Variants in DYNC2H1 observed in about 807,000 individuals in gnomAD.
The protein encoded by DYNC2H1 is cytoplasmic dynein 2 heavy chain 1.
Under a neutral mutation model 570.0 loss-of-function variants are expected in DYNC2H1, and 410 were observed. The observed-to-expected ratio is 0.72, with a 90% CI of 0.66 to 0.78. The LOEUF (loss-of-function observed/expected upper bound fraction) is 0.78, where lower values mean the gene tolerates loss of function less well. Ranked by LOEUF, DYNC2H1 falls within the 30% of genes least tolerant of loss-of-function variation. The probability of loss-of-function intolerance (pLI) is 0.00; values close to 1 mark genes in which losing one functional copy is unlikely to be tolerated. For synonymous variants in DYNC2H1, 1,688 were observed against 1,677.6 expected, an observed-to-expected ratio of 1.01 and a Z score of -0.15; for missense variants, 4,865 against 5,046.4, an observed-to-expected ratio of 0.96 and a Z score of 1.09.
At chr11:103,390,302 A>G (rs1942081508) in intron 83 of DYNC2H1, among the ~76,000 whole-genome samples, 1 of 150,594 alleles carries the variant, frequency 6.6e-6, no homozygotes, top group Non-Finnish European at 1.5e-5. Context: ...CTGTTTTATC[A>G]GAGACTAGGA....
Position 103,256,161 on chromosome 11 carries a change from T to C in DYNC2H1, c.10382T>C (p.Leu3461Ser). Residue 3461 changes from leucine to serine, a missense_variant, in exon 68 of 89, where the codon TTG becomes TCG. Leu to Ser is a moderately radical substitution (Grantham distance 145). Coordinates refer to ENST00000375735, the MANE Select transcript of DYNC2H1 (RefSeq NM_001377.3). The surrounding 1 kb of genome is among the most constrained non-coding windows in gnomAD (Gnocchi z 4.0). ...GAAAATAAGGATTTGATTGAGTCTT[T>C]GAATCAGACAAAAGCAAGCAGTGCA... Reference protein sequence around the residue: ...ILENKDLIESLNQTKASSALI... With the variant: ...ILENKDLIESSNQTKASSALI... 1 of 1,609,060 alleles carries C rather than the reference T, an allele frequency of 6.2e-7. No individual in the cohort carries two copies. Among genetic ancestry groups the C allele is most frequent in the Non-Finnish European group, 8.5e-7 (1 of 1,177,216 alleles).
At chr11:103,442,525 T>G (rs1317927439) in intron 85 of DYNC2H1, among the ~76,000 whole-genome samples, 1 of 152,098 alleles carries the variant, frequency 6.6e-6, no homozygotes, top group Non-Finnish European at 1.5e-5. Flanking sequence ...TGATAAATCC[T>G]TCGTATGGCC....
At chr11:103,237,538 T>C (rs1864266303) in intron 63 of DYNC2H1, among the ~76,000 whole-genome samples, 2 of 151,044 alleles carry the variant, frequency 1.3e-5, no homozygotes, top group South Asian at 4.2e-4. Context: ...TTTTGCCTGT[T>C]TTTAAATTTA....
intron 12 of DYNC2H1, among the ~76,000 whole-genome samples, chr11:103,126,821 G>A (rs1345048512): frequency 6.6e-6 from 1 of 152,046 alleles, no homozygotes; most frequent in African/African-American, 2.4e-5. Flanking sequence ...TGTACTTTTA[G>A]TAGAGATAGA....
In DYNC2H1 at chr11:103,321,090, A is replaced by T. The variant is rs752954962; in HGVS notation, c.11787A>T (p.Gly3929=). The T allele has an allele frequency of 6.2e-7, 1 of 1,612,880 alleles. No homozygotes were observed. Among genetic ancestry groups the T allele is most frequent in the Non-Finnish European group, 8.5e-7 (1 of 1,179,394 alleles). The change falls in exon 81 of 89, where the codon GGA becomes GGT. Residue 3929 remains glycine (G), a synonymous_variant. Transcript: ENST00000375735. ...HGLLENAIYG[G]RIDNYFDLRV... ...TACTTGAAAATGCTATTTATGGAGGACGTATAGACAACTATTTTGACCTTA... is the reference window on the plus strand; with the variant it reads ...TACTTGAAAATGCTATTTATGGAGGTCGTATAGACAACTATTTTGACCTTA...
In DYNC2H1 at chr11:103,153,444, G is replaced by T. The variant is rs1860665458; in HGVS notation, c.3238G>T (p.Ala1080Ser). The stretch of plus-strand genomic sequence containing the variant: ...CCAACATAATACTCTTGATAAAAGT[G>T]CAAAGTTAATAAAAGAGAAAAAAAT... ...TGQHNTLDKSAKLIKEKKIEF... is the reference protein window; with the variant it reads ...TGQHNTLDKSSKLIKEKKIEF... The change falls in exon 22 of 89, where the codon GCA (alanine) becomes TCA (serine). Residue 1080 changes from alanine to serine, a missense_variant. By Grantham distance (99) the Ala-to-Ser change is moderately conservative. This residue lies in a region of DYNC2H1 where 1,936 missense variants were observed against 1,962.1 expected (regional missense o/e 0.99). Coordinates refer to ENST00000375735, the MANE Select transcript of DYNC2H1 (RefSeq NM_001377.3). 1 of 1,569,742 alleles carries T rather than the reference G, an allele frequency of 6.4e-7. No individual in the cohort carries two copies. The highest frequency in any genetic ancestry group is 2.3e-5 in the East Asian group (1 of 43,386).
intron 82 of DYNC2H1, among the ~76,000 whole-genome samples, chr11:103,349,327 G>A (rs1344789718): frequency 6.6e-6 from 1 of 151,998 alleles, no homozygotes; most frequent in Non-Finnish European, 1.5e-5. Context: ...GGAAAGATGA[G>A]GTCTTACATG....
At chr11:103,207,062 C>T (rs1308126753) in intron 52 of DYNC2H1, among the ~76,000 whole-genome samples, 2 of 151,918 alleles carry the variant, frequency 1.3e-5, no homozygotes, top group African/African-American at 4.8e-5. Context: ...GCTGAGATTA[C>T]AGGTGCCTGC....
chr11:103,156,025 A>T (rs1483670273), intron 25 of DYNC2H1, among the ~76,000 whole-genome samples: 2 of 152,122 alleles, frequency 1.3e-5, no homozygotes, highest in African/African-American at 4.8e-5. Flanking sequence ...ATAATTTCTG[A>T]ATTTCTTTTG....
Position 103,151,332 on chromosome 11 carries a change from G to A in DYNC2H1, c.2947-804G>A, listed in dbSNP as rs960448261. On this transcript the variant is annotated intron_variant, in intron 20 of 88. Coordinates refer to ENST00000375735, the MANE Select transcript of DYNC2H1 (RefSeq NM_001377.3). This position sits in a 1 kb window ranked among gnomAD's most constrained non-coding sequence, Gnocchi z 4.6. Reference sequence around the variant, plus strand: ...TGCTTAGGTTAATCTTAATCCCCTCGCCTCGGCCTCCCAAAGTGCTAGGAT... The same window carrying A: ...TGCTTAGGTTAATCTTAATCCCCTCACCTCGGCCTCCCAAAGTGCTAGGAT... 1.3e-5 allele frequency among the ~76,000 whole-genome samples: 2 copies of A among 151,918 alleles called. No individual in the cohort carries two copies. The highest frequency in any genetic ancestry group is 2.9e-5 in the Non-Finnish European group (2 of 67,992).
chr11:103,447,221 T>TA (rs1417733050), intron 85 of DYNC2H1, among the ~76,000 whole-genome samples: 1 of 152,158 alleles, frequency 6.6e-6, no homozygotes, highest in Admixed American at 6.5e-5. Context: ...AAGTTTAATT[T>TA]AAAAAATACC....
At chr11:103,184,804 G>A (rs895622357) in intron 40 of DYNC2H1, 92 bp from the exon 41 acceptor site, 1 of 1,338,818 alleles carries the variant, frequency 7.5e-7, no homozygotes, top group Admixed American at 2.3e-5. Flanking sequence ...AATGGTTCTT[G>A]AAAAGGTATG....
chr11:103,411,038 G>A (rs142478681), intron 84 of DYNC2H1, among the ~76,000 whole-genome samples: 154 of 151,402 alleles, frequency 1.0e-3, no homozygotes, highest in African/African-American at 3.5e-3. Context: ...GTAAAGACCA[G>A]GACCAAACCT....
At chr11:103,123,110 G>T in intron 11 of DYNC2H1, 110 bp downstream of exon 11, 1 of 920,000 alleles carries the variant, frequency 1.1e-6, no homozygotes, top group Non-Finnish European at 1.4e-6. Flanking sequence ...TACTCCTCCT[G>T]TAATTTTTTT....
intron 83 of DYNC2H1, among the ~76,000 whole-genome samples, chr11:103,379,939 C>T (rs1941569688): frequency 6.6e-6 from 1 of 152,110 alleles, no homozygotes; most frequent in South Asian, 2.1e-4. Flanking sequence ...AGATATGGCA[C>T]TTGAATAAAC....
chr11:103,116,190 T>G (rs1386659278), intron 4 of DYNC2H1, among the ~76,000 whole-genome samples: 12 of 152,200 alleles, frequency 7.9e-5, no homozygotes, highest in African/African-American at 2.9e-4. Flanking sequence ...TGTGTTATTC[T>G]TAAACATAAT....
At chr11:103,452,724 ACT>A (rs1944653182) in intron 85 of DYNC2H1, among the ~76,000 whole-genome samples, 1 of 151,962 alleles carries the variant, frequency 6.6e-6, no homozygotes, top group Non-Finnish European at 1.5e-5. Context: ...CTTATGACAT[ACT>A]ATTTATTTCT....
chr11:103,419,723 C>T (rs899008935), intron 84 of DYNC2H1, among the ~76,000 whole-genome samples: 2 of 152,146 alleles, frequency 1.3e-5, no homozygotes, highest in Non-Finnish European at 2.9e-5. Context: ...CAGAGTGCCT[C>T]TTCTCCTCCA....
chr11:103,150,350 CAA>C (rs34244535), intron 20 of DYNC2H1, among the ~76,000 whole-genome samples: 103,276 of 151,584 alleles, frequency 0.68, 35,977 homozygotes, highest in East Asian at 0.77. Flanking sequence ...ATATGATAGA[CAA>C]GAGATGATGG....
Sources: allele counts gnomAD v4.1 joint callset (sites outside exome capture counted in the v4.1 genomes callset), GRCh38; gene constraint gnomAD v4.1.1; regional missense constraint gnomAD v4.1.1; non-coding constraint Gnocchi (gnomAD v3.1); transcripts MANE v1.5; gene names NCBI Gene and HGNC (gene_info 2026-07-23, HGNC 2026-07-21).